The following HNRNPA1L2 variants were observed in gnomAD, a reference collection of about 807,000 sequenced individuals.
The protein encoded by HNRNPA1L2 is heterogeneous nuclear ribonucleoprotein A1 like 2, also known as heterogeneous nuclear ribonucleoprotein A1-like 2.
HNRNPA1L2 carries 10 observed loss-of-function variants against 18.2 expected under a neutral mutation model. That is an observed-to-expected ratio of 0.55 (90% CI 0.34 to 0.93). The LOEUF (loss-of-function observed/expected upper bound fraction) is 0.93, where lower values mean the gene tolerates loss of function less well. HNRNPA1L2 is among the 40% of genes least tolerant of loss of function. The pLI is 0.02. For missense variants in HNRNPA1L2, 308 were observed against 394.4 expected (o/e 0.78, Z 1.85); for synonymous variants, 124 against 138.6 (o/e 0.89, Z 0.74).
upstream of HNRNPA1L2, chr13:52,640,951 ACCT>A: frequency 6.6e-6 from 1 of 152,180 alleles, no homozygotes; most frequent in Admixed American, 6.5e-5. Flanking sequence ...CAGGTAATTT[ACCT>A]CCTCAAAAGC....
At chr13:52,628,600 G>A in the HNRNPA1L2 span, among the ~76,000 whole-genome samples, 4 of 152,144 alleles carry the variant, frequency 2.6e-5, no homozygotes, top group Admixed American at 6.5e-5. Flanking sequence ...TAGGCATACA[G>A]ATACTGATTG....
chr13:52,625,188 T>C, the HNRNPA1L2 span, among the ~76,000 whole-genome samples: 1 of 150,506 alleles, frequency 6.6e-6, no homozygotes, highest in Non-Finnish European at 1.5e-5. Context: ...GATCTCGGCT[T>C]ACTGCAACCT....
At chr13:52,625,302 A>T in the HNRNPA1L2 span, among the ~76,000 whole-genome samples, 1 of 151,906 alleles carries the variant, frequency 6.6e-6, no homozygotes, top group African/African-American at 2.4e-5. Context: ...TTTAGTAGAG[A>T]TGGGGTTTCA....
the HNRNPA1L2 span, among the ~76,000 whole-genome samples, chr13:52,628,571 A>C: frequency 6.6e-6 from 1 of 152,254 alleles, no homozygotes; most frequent in African/African-American, 2.4e-5. Context: ...GTTTTAATTT[A>C]GTTATTGAAT....
the HNRNPA1L2 span, among the ~76,000 whole-genome samples, chr13:52,628,622 C>A: frequency 6.6e-6 from 1 of 151,916 alleles, no homozygotes; most frequent in Non-Finnish European, 1.5e-5. Context: ...ACTTTCTGTT[C>A]ATTTTCTTGG....
the HNRNPA1L2 span, among the ~76,000 whole-genome samples, chr13:52,636,598 C>T: frequency 2.0e-5 from 3 of 152,136 alleles, no homozygotes; most frequent in Non-Finnish European, 4.4e-5. Flanking sequence ...TTCTGTTGAT[C>T]TAACTTCTTT....
upstream of HNRNPA1L2, among the ~76,000 whole-genome samples, chr13:52,637,870 A>G (rs1961513600): frequency 6.6e-6 from 1 of 152,188 alleles, no homozygotes; most frequent in Non-Finnish European, 1.5e-5. Flanking sequence ...TTATAATTAC[A>G]CATATTCTTT....
upstream of HNRNPA1L2, among the ~76,000 whole-genome samples, chr13:52,639,146 C>G (rs1479208384): frequency 6.6e-6 from 1 of 152,128 alleles, no homozygotes; most frequent in Non-Finnish European, 1.5e-5. Context: ...GATGCACATT[C>G]AGTAGAAAGT....
chr13:52,639,351 G>A (rs530580679), upstream of HNRNPA1L2, among the ~76,000 whole-genome samples: 23 of 152,262 alleles, frequency 1.5e-4, no homozygotes, highest in African/African-American at 5.1e-4. Flanking sequence ...TAGGTTAGGT[G>A]TATTAAAGAC....
upstream of HNRNPA1L2, among the ~76,000 whole-genome samples, chr13:52,639,896 G>GTT (rs1199414232): frequency 1.8e-4 from 13 of 70,694 alleles, no homozygotes; most frequent in African/African-American, 3.0e-4. Flanking sequence ...TTTTTTTTTT[G>GTT]TTTTTTTTTT....
rs1298039469 is a variant in HNRNPA1L2, at chr13:52,643,529, G to A, written c.*74G>A. ...AAGCTACAGGTTACAACAGATTTGT[G>A]AACTCAGCCAAGCACAGTGGTGGCA... On this transcript the variant is annotated 3_prime_UTR_variant, in exon 1 of 1. Transcript: ENST00000357495. The A allele has an allele frequency of 3.0e-5, 39 of 1,320,174 alleles. No homozygotes were observed. Among genetic ancestry groups the A allele is most frequent in the Non-Finnish European group, 4.2e-5 (39 of 935,754 alleles). The allele number at this position is 1,320,174 out of a possible 1,614,324, so 81.8% of individuals were successfully genotyped here. A position where few individuals can be genotyped will look rare whatever the true frequency, so the allele number is the denominator to read the frequency against.
the HNRNPA1L2 span, among the ~76,000 whole-genome samples, chr13:52,636,171 G>A: frequency 1.3e-5 from 2 of 152,192 alleles, no homozygotes; most frequent in Middle Eastern, 3.4e-3. Context: ...ACCTGTTAGT[G>A]GACATTTGGA....
chr13:52,632,808 T>C, the HNRNPA1L2 span, among the ~76,000 whole-genome samples: 1 of 152,348 alleles, frequency 6.6e-6, no homozygotes, highest in East Asian at 1.9e-4. Flanking sequence ...TTTAAGCTTA[T>C]ATGCTGGCTG....
Position 52,643,709 on chromosome 13 carries a change from T to C in HNRNPA1L2, c.*254T>C, listed in dbSNP as rs149175417. On this transcript the variant is annotated 3_prime_UTR_variant, in exon 1 of 1. Transcript: ENST00000357495. ...AGCATTCCAACAAAGTGTTTTAATG[T>C]AGATTTTTTTTTTTGCACCCATGCT... The C allele has an allele frequency of 1.8e-3, 1,003 of 557,632 alleles. 12 individuals are homozygous for C. In the East Asian group the frequency reaches 0.028, roughly 16 times the overall value. 34.5% of individuals were successfully genotyped at this position (557,632 alleles called of 1,614,324 possible). A position where few individuals can be genotyped will look rare whatever the true frequency, so the allele number is the denominator to read the frequency against.
At chr13:52,641,694 G>T (rs1202273667), upstream of HNRNPA1L2, 2 of 152,170 alleles carry the variant, frequency 1.3e-5, no homozygotes, top group Admixed American at 1.3e-4. Flanking sequence ...CAAGCCTTCA[G>T]TGGTTTTTTA....
chr13:52,628,832 C>T, the HNRNPA1L2 span, among the ~76,000 whole-genome samples: 1 of 152,140 alleles, frequency 6.6e-6, no homozygotes, highest in East Asian at 1.9e-4. Flanking sequence ...TATCACTGTC[C>T]TGTTTCAGAA....
At chr13:52,633,622 G>C in the HNRNPA1L2 span, among the ~76,000 whole-genome samples, 1 of 152,044 alleles carries the variant, frequency 6.6e-6, no homozygotes, top group East Asian at 1.9e-4. Context: ...GACCAGCCTG[G>C]GCAACATAGT....
chr13:52,619,077 G>C, the HNRNPA1L2 span, among the ~76,000 whole-genome samples: 2 of 152,010 alleles, frequency 1.3e-5, no homozygotes. Context: ...GCACGATCTC[G>C]GGTCACCACA....
chr13:52,622,661 TA>T, the HNRNPA1L2 span, among the ~76,000 whole-genome samples: 4 of 151,970 alleles, frequency 2.6e-5, no homozygotes, highest in Non-Finnish European at 5.9e-5. Flanking sequence ...ATTTTCCATT[TA>T]AAAAATTTTT....
Sources: allele counts gnomAD v4.1 joint callset (sites outside exome capture counted in the v4.1 genomes callset), GRCh38; gene constraint gnomAD v4.1.1; transcripts MANE v1.5; gene names NCBI Gene and HGNC (gene_info 2026-07-23, HGNC 2026-07-21).